Variants in NFIB observed in about 807,000 individuals in gnomAD.
The protein encoded by NFIB is nuclear factor I B.
NFIB carries 11 observed loss-of-function variants against 61.5 expected under a neutral mutation model. That is an observed-to-expected ratio of 0.18 (90% confidence interval 0.11 to 0.30). NFIB has a LOEUF of 0.30. Ranked by LOEUF, NFIB falls within the 10% of genes least tolerant of loss-of-function variation. The probability of loss-of-function intolerance (pLI) is 1.00; values close to 1 mark genes in which losing one functional copy is unlikely to be tolerated. For synonymous variants in NFIB, 260 were observed against 216.5 expected (o/e 1.20, Z -1.76); for missense variants, 471 against 608.9 (o/e 0.77, Z 2.38).
chr9:14,148,641 G>T (rs556112672), intron 5 of NFIB, among the ~76,000 whole-genome samples: 1 of 152,248 alleles, frequency 6.6e-6, no homozygotes, highest in East Asian at 1.9e-4. Context: ...CAAGTTAATG[G>T]AAGCAGTCAG....
At chr9:14,299,741 C>T (rs1408474376) in intron 2 of NFIB, among the ~76,000 whole-genome samples, 1 of 152,168 alleles carries the variant, frequency 6.6e-6, no homozygotes, top group Non-Finnish European at 1.5e-5. Context: ...TTCATCAGTG[C>T]TGTCCTGTTT....
At chr9:14,530,615 G>C in the NFIB span, among the ~76,000 whole-genome samples, 1 of 152,106 alleles carries the variant, frequency 6.6e-6, no homozygotes, top group African/African-American at 2.4e-5. Context: ...GAGACGCCTA[G>C]GATCAACAGC....
At chr9:14,258,954 C>T (rs1030358391) in intron 2 of NFIB, among the ~76,000 whole-genome samples, 1 of 152,186 alleles carries the variant, frequency 6.6e-6, no homozygotes, top group African/African-American at 2.4e-5. Flanking sequence ...GCTCATATCC[C>T]ATACCAGTGC....
intron 2 of NFIB, among the ~76,000 whole-genome samples, chr9:14,207,942 T>C (rs1233131351): frequency 2.6e-5 from 4 of 152,122 alleles, no homozygotes; most frequent in African/African-American, 9.7e-5. Context: ...AACATTTCCT[T>C]GGTTGAATTT....
At chr9:14,129,609 A>C (rs1277675225) in intron 6 of NFIB, among the ~76,000 whole-genome samples, 1 of 152,138 alleles carries the variant, frequency 6.6e-6, no homozygotes, top group Admixed American at 6.6e-5. Flanking sequence ...TTCTATGTGT[A>C]ATGTGCTCAT....
At chr9:14,326,360 C>T (rs2060751863) in intron 1 of NFIB, among the ~76,000 whole-genome samples, 1 of 152,198 alleles carries the variant, frequency 6.6e-6, no homozygotes, top group African/African-American at 2.4e-5. Context: ...TAGGCATCTG[C>T]AGTGGAGTTG....
intron 2 of NFIB, among the ~76,000 whole-genome samples, chr9:14,285,739 T>C (rs1316771168): frequency 3.3e-5 from 5 of 152,254 alleles, no homozygotes; most frequent in African/African-American, 1.2e-4. Context: ...GCATAGTAAA[T>C]GCTCACTAAA....
chr9:14,110,856 A>G (rs1449342398), intron 10 of NFIB, among the ~76,000 whole-genome samples: 3 of 152,116 alleles, frequency 2.0e-5, no homozygotes, highest in Non-Finnish European at 2.9e-5. Context: ...TCAAAACTGG[A>G]GTTCATTATA....
chr9:14,451,032 AG>A, the NFIB span, among the ~76,000 whole-genome samples: 1 of 152,234 alleles, frequency 6.6e-6, no homozygotes, highest in Non-Finnish European at 1.5e-5. Flanking sequence ...TATTTAGAGC[AG>A]GGATTTTGGT....
intron 1 of NFIB, chr9:14,362,496 G>T (rs1348472602): frequency 6.6e-6 from 1 of 152,168 alleles, no homozygotes; most frequent in East Asian, 1.9e-4. Flanking sequence ...GATGCCTCAG[G>T]ATGCCTCTAG....
intron 2 of NFIB, among the ~76,000 whole-genome samples, chr9:14,248,596 A>G (rs747809021): frequency 3.9e-5 from 6 of 152,110 alleles, no homozygotes; most frequent in Non-Finnish European, 8.8e-5. Context: ...TAGTAATAAC[A>G]ATAATTTTCC....
chr9:14,352,332 G>A (rs1383279709), intron 1 of NFIB, among the ~76,000 whole-genome samples: 2 of 151,654 alleles, frequency 1.3e-5, no homozygotes, highest in African/African-American at 2.4e-5. Flanking sequence ...GAGTTGGGAG[G>A]CTCACCACCA....
chr9:14,270,825 A>C (rs1167724174), intron 2 of NFIB, among the ~76,000 whole-genome samples: 1 of 152,188 alleles, frequency 6.6e-6, no homozygotes. Context: ...ATTTATAGCA[A>C]TAAAGCAGAA....
chr9:14,175,160 A>G (rs1230675449), intron 3 of NFIB, among the ~76,000 whole-genome samples: 1 of 94,198 alleles, frequency 1.1e-5, no homozygotes, highest in Non-Finnish European at 2.3e-5. Context: ...TATGACTTAA[A>G]GAATTTCTTT....
intron 1 of NFIB, among the ~76,000 whole-genome samples, chr9:14,336,443 C>T (rs2060886729): frequency 6.6e-6 from 1 of 152,202 alleles, no homozygotes; most frequent in African/African-American, 2.4e-5. Context: ...CCTCATGGGC[C>T]TGGGGAAACC....
Position 14,307,080 on chromosome 9 carries a change from G to A in NFIB, c.471C>T (p.Cys157=), listed in dbSNP as rs751185978. The change falls in exon 2 of 11, where the codon TGC becomes TGT. Residue 157 remains cysteine (C), a synonymous_variant. Transcript: ENST00000380953. The surrounding 1 kb of genome is among the most constrained non-coding windows in gnomAD (Gnocchi z 5.3). The stretch of plus-strand genomic sequence containing the variant: ...GCTGGACACAAAGTGCTGGGTTTGT[G>A]CAATGTGGGGATTTCATGAGCCGCT... ...DGERLMKSPH[C]TNPALCVQPH... is the part of the protein sequence containing the mutation. The A allele has an allele frequency of 3.6e-5, 58 of 1,614,074 alleles. No individual in the cohort carries two copies. Among genetic ancestry groups the A allele is most frequent in the Non-Finnish European group, 4.7e-5 (55 of 1,180,040 alleles).
At chr9:14,105,740 T>C (rs1385930146) in intron 10 of NFIB, among the ~76,000 whole-genome samples, 2 of 152,218 alleles carry the variant, frequency 1.3e-5, no homozygotes, top group Non-Finnish European at 2.9e-5. Flanking sequence ...ACCAAGCAAA[T>C]TGTGAACAGA....
At chr9:14,390,454 G>A (rs2061606587) in intron 1 of NFIB, among the ~76,000 whole-genome samples, 1 of 152,182 alleles carries the variant, frequency 6.6e-6, no homozygotes, top group Non-Finnish European at 1.5e-5. Flanking sequence ...AGGAATATGA[G>A]GGTAAACTAA....
chr9:14,228,651 G>A (rs941694940), intron 2 of NFIB, among the ~76,000 whole-genome samples: 7 of 152,154 alleles, frequency 4.6e-5, no homozygotes, highest in African/African-American at 1.7e-4. Flanking sequence ...GCAAATTGAG[G>A]TATGCTTGAT....
Sources: allele counts gnomAD v4.1 joint callset (sites outside exome capture counted in the v4.1 genomes callset), GRCh38; gene constraint gnomAD v4.1.1; non-coding constraint Gnocchi (gnomAD v3.1); transcripts MANE v1.5; gene names NCBI Gene and HGNC (gene_info 2026-07-23, HGNC 2026-07-21).